The following ME3 variants were observed in gnomAD, a reference collection of about 807,000 sequenced individuals.
ME3 encodes NADP-dependent malic enzyme, mitochondrial.
ME3 carries 48 observed loss-of-function variants against 68.9 expected under a neutral mutation model. That is an observed-to-expected ratio of 0.70 (90% CI 0.55 to 0.89). The LOEUF (loss-of-function observed/expected upper bound fraction) is 0.89, where lower values mean the gene tolerates loss of function less well. ME3 is among the 40% of genes least tolerant of loss of function. The pLI is 0.00. For missense variants in ME3, 675 were observed against 797.4 expected, an observed-to-expected ratio of 0.85 and a Z score of 1.85; for synonymous variants, 320 against 318.8, an observed-to-expected ratio of 1.00 and a Z score of -0.04.
At chr11:86,548,757 G>T (rs1956503127) in intron 4 of ME3, among the ~76,000 whole-genome samples, 1 of 152,278 alleles carries the variant, frequency 6.6e-6, no homozygotes, top group East Asian at 1.9e-4. Flanking sequence ...TATAGATGAG[G>T]AAAGTGAGGC....
chr11:86,631,778 G>C (rs1029199469), intron 2 of ME3, among the ~76,000 whole-genome samples: 1 of 152,176 alleles, frequency 6.6e-6, no homozygotes, highest in Non-Finnish European at 1.5e-5. Context: ...TGTCATCCAG[G>C]CTGGAGTGTA....
chr11:86,614,501 T>C (rs1942816155), intron 2 of ME3, among the ~76,000 whole-genome samples: 1 of 152,174 alleles, frequency 6.6e-6, no homozygotes, highest in South Asian at 2.1e-4. Context: ...CCTGTTTTCC[T>C]TTCTGTCTGG....
intron 4 of ME3, among the ~76,000 whole-genome samples, chr11:86,541,822 T>G (rs1310176079): frequency 6.6e-6 from 1 of 152,190 alleles, no homozygotes; most frequent in Non-Finnish European, 1.5e-5. Flanking sequence ...CCTCCTCAAG[T>G]GGTTCCCTGA....
At chr11:86,449,129 A>C (rs1949486899) in intron 10 of ME3, among the ~76,000 whole-genome samples, 1 of 152,196 alleles carries the variant, frequency 6.6e-6, no homozygotes, top group Non-Finnish European at 1.5e-5. Context: ...ATTCTTGGTC[A>C]ATGTCCTTAT....
At position 86,453,284 on chromosome 11, in the gene ME3, GCCAC is replaced by G. The variant is rs1223702674; in HGVS notation, c.920-2890_920-2887del. On this transcript the variant is annotated intron_variant, in intron 8 of 14. Transcript: ENST00000543262. The stretch of plus-strand genomic sequence containing the variant: ...GAAAGTGCTGGGATTACAGGCGTTA[GCCAC>G]CACACCTGGCCAGAGTTGTTTTTGT... Among the ~76,000 whole-genome samples, 6 of 152,362 alleles carry G rather than the reference GCCAC, an allele frequency of 3.9e-5. No homozygotes were observed. In the East Asian group the frequency reaches 1.2e-3, roughly 29 times the overall value.
chr11:86,560,580 C>T (rs1379872), intron 2 of ME3, among the ~76,000 whole-genome samples: 36,299 of 151,408 alleles, frequency 0.24, 4,904 homozygotes, highest in Non-Finnish European at 0.31. Flanking sequence ...TAGTATTATA[C>T]GTTCATTAGA....
chr11:86,629,147 C>A (rs1030645485), intron 2 of ME3, among the ~76,000 whole-genome samples: 1 of 152,072 alleles, frequency 6.6e-6, no homozygotes, highest in Non-Finnish European at 1.5e-5. Context: ...GAAAGAAAAC[C>A]CAGGCCTGGA....
intron 2 of ME3, among the ~76,000 whole-genome samples, chr11:86,653,908 G>T (rs529179169): frequency 6.6e-6 from 1 of 152,242 alleles, no homozygotes; most frequent in South Asian, 2.1e-4. Context: ...AAATGATAAA[G>T]GGTATATCAC....
intron 2 of ME3, among the ~76,000 whole-genome samples, chr11:86,650,535 G>T (rs1945333885): frequency 6.6e-6 from 1 of 152,172 alleles, no homozygotes; most frequent in Admixed American, 6.5e-5. Flanking sequence ...TACAGAATGG[G>T]AGAAAATTTT....
intron 2 of ME3, among the ~76,000 whole-genome samples, chr11:86,606,559 C>T (rs1246857266): frequency 2.6e-5 from 4 of 152,182 alleles, no homozygotes; most frequent in Non-Finnish European, 2.9e-5. Context: ...GCCCCATGAG[C>T]TTGACAGTCT....
At chr11:86,653,763 G>C (rs1444183068) in intron 2 of ME3, among the ~76,000 whole-genome samples, 1 of 152,166 alleles carries the variant, frequency 6.6e-6, no homozygotes, top group Non-Finnish European at 1.5e-5. Context: ...AACTGAAGGA[G>C]AGAGCGACAC....
At chr11:86,672,292 G>T in intron 1 of ME3, 32 bp downstream of exon 1, 1 of 236,208 alleles carries the variant, frequency 4.2e-6, no homozygotes. Flanking sequence ...CCGCGTGGTG[G>T]CTTGCCTCGG....
At chr11:86,566,743 A>G (rs554835847) in intron 2 of ME3, among the ~76,000 whole-genome samples, 5 of 152,308 alleles carry the variant, frequency 3.3e-5, no homozygotes, top group African/African-American at 1.2e-4. Flanking sequence ...GATGCATTTT[A>G]TAATAAATAA....
rs191509877 is a variant in ME3, at chr11:86,541,967, A to C, written c.467+14586T>G. 1.7e-3 allele frequency among the ~76,000 whole-genome samples: 253 copies of C among 152,232 alleles called. 1 individual carries two copies. The highest frequency in any genetic ancestry group is 6.0e-3 in the African/African-American group (250 of 41,552). On this transcript the variant is annotated intron_variant, in intron 4 of 14. Coordinates refer to ENST00000543262, the Ensembl canonical transcript of ME3. Reference sequence around the variant, plus strand: ...CTTCCAGAGAAAGGAGCAGGCAGCAATTTTTGCTGGTCTGCAGCCTCCGCT... The same window carrying C: ...CTTCCAGAGAAAGGAGCAGGCAGCACTTTTTGCTGGTCTGCAGCCTCCGCT...
At chr11:86,521,433 AT>A (rs1565894184) in intron 4 of ME3, among the ~76,000 whole-genome samples, 24 of 138,814 alleles carry the variant, frequency 1.7e-4, no homozygotes, top group Middle Eastern at 3.4e-3. Context: ...CAAAACAAAA[AT>A]AATAATAATA....
At chr11:86,531,036 G>T (rs1955187671) in intron 4 of ME3, among the ~76,000 whole-genome samples, 2 of 152,086 alleles carry the variant, frequency 1.3e-5, no homozygotes, top group South Asian at 4.1e-4. Flanking sequence ...CACAGCAAAA[G>T]AAACTACCAT....
chr11:86,551,624 G>A (rs184893656), intron 4 of ME3, among the ~76,000 whole-genome samples: 38 of 152,310 alleles, frequency 2.5e-4, no homozygotes, highest in Non-Finnish European at 5.1e-4. Flanking sequence ...GCACCTCAAG[G>A]AGTTGTTATA....
At chr11:86,474,732 A>T (rs549723150) in intron 7 of ME3, among the ~76,000 whole-genome samples, 1 of 152,342 alleles carries the variant, frequency 6.6e-6, no homozygotes, top group South Asian at 2.1e-4. Context: ...GAATAAGGTC[A>T]TGACTTTTAA....
intron 9 of ME3, 106 bp downstream of exon 9, chr11:86,450,195 C>T: frequency 8.7e-7 from 1 of 1,143,988 alleles, no homozygotes. Context: ...TATGTCTGTG[C>T]TGCTTCCTCT....
Sources: allele counts gnomAD v4.1 joint callset (sites outside exome capture counted in the v4.1 genomes callset), GRCh38; gene constraint gnomAD v4.1.1; transcripts MANE v1.5; gene names NCBI Gene and HGNC (gene_info 2026-07-23, HGNC 2026-07-21).